The following POU4F1 variants were observed in gnomAD, a reference collection of about 807,000 sequenced individuals.
POU4F1 encodes POU class 4 homeobox 1.
POU4F1 carries 5 observed loss-of-function variants against 19.8 expected under a neutral mutation model. The ratio of observed to expected loss-of-function variants is 0.25; its 90% CI spans 0.13 to 0.53. POU4F1 has a LOEUF of 0.53. POU4F1 is among the 20% of genes least tolerant of loss of function. The probability of loss-of-function intolerance (pLI) is 0.96; values close to 1 mark genes in which losing one functional copy is unlikely to be tolerated. For missense variants in POU4F1, 408 were observed against 511.6 expected (o/e 0.80, Z 1.95); for synonymous variants, 266 against 247.7 (o/e 1.07, Z -0.69).
rs1263042215 is a variant in POU4F1, at chr13:78,601,874, C to T, written c.801G>A (p.Glu267=). The T allele has an allele frequency of 5.7e-6, 9 of 1,584,650 alleles. No individual in the cohort carries two copies. Among genetic ancestry groups the T allele is most frequent in the African/African-American group, 1.4e-5 (1 of 73,902 alleles). The change falls in exon 2 of 2, where the codon GAG becomes GAA. Residue 267 remains glutamate (E), a synonymous_variant. Transcript: ENST00000377208. ...SICDSDTDPR[E]LEAFAERFKQ... The stretch of plus-strand genomic sequence containing the variant: ...TGAAGCGCTCCGCGAACGCCTCGAG[C>T]TCGCGCGGGTCCGTGTCCGAGTCGC...
rs1354292084 is a variant in POU4F1 at position 78,602,260 on chromosome 13, C to A, written c.415G>T (p.Gly139Cys). ...AGAGGAGAAA[G>C]GGGAHDGPGG... Reference sequence around the variant, plus strand: ...GGGCCGTCGTGGGCGCCGCCGCCGCCGGCCGCCGCGCCCGCGCCGCCCGCG... The same window carrying A: ...GGGCCGTCGTGGGCGCCGCCGCCGCAGGCCGCCGCGCCCGCGCCGCCCGCG... Residue 139 changes from glycine to cysteine, a missense_variant, in exon 2 of 2, where the codon GGC becomes TGC. Around this residue, in one of 4 missense-constraint regions of POU4F1, gnomAD observed 294 missense variants for 288.2 expected, o/e 1.02. Coordinates refer to ENST00000377208, the MANE Select transcript of POU4F1 (RefSeq NM_006237.4). The A allele has an allele frequency of 9.5e-7, 1 of 1,052,660 alleles. No homozygotes were observed. Among genetic ancestry groups the A allele is most frequent in the African/African-American group, 1.7e-5 (1 of 58,340 alleles). 65.2% of individuals were successfully genotyped at this position (1,052,660 alleles called of 1,614,324 possible).
At position 78,601,981 on chromosome 13, in the gene POU4F1, C is replaced by T; in HGVS notation, c.694G>A (p.Ala232Thr). 1 of 993,446 alleles carries T rather than the reference C, an allele frequency of 1.0e-6. No homozygotes were observed. The highest frequency in any genetic ancestry group is 1.2e-6 in the Non-Finnish European group (1 of 832,270). 61.5% of individuals were successfully genotyped at this position (993,446 alleles called of 1,614,324 possible). A position where few individuals can be genotyped will look rare whatever the true frequency, so the allele number is the denominator to read the frequency against. Residue 232 changes from alanine (A) to threonine (T), a missense_variant, in exon 2 of 2, where the codon GCG (alanine) becomes ACG (threonine). This residue lies in a region of POU4F1 where 294 missense variants were observed against 288.2 expected (regional missense o/e 1.02). Coordinates refer to ENST00000377208, the MANE Select transcript of POU4F1 (RefSeq NM_006237.4). ...ACCTGCCCGGCCGCCGCCGCCGCCG[C>T]TGCCGCTGCCGCGCCGTGGTGCGCC... ...AAAHHGAAAA[A>T]AAAAAGQVAA...
chr13:78,602,283 G>T lies in POU4F1; in HGVS notation c.392C>A (p.Ala131Glu). 6 of 1,216,200 alleles carry T rather than the reference G, an allele frequency of 4.9e-6. No homozygotes were observed. Among genetic ancestry groups the T allele is most frequent in the Non-Finnish European group, 6.1e-6 (6 of 978,362 alleles). 75.3% of individuals were successfully genotyped at this position (1,216,200 alleles called of 1,614,324 possible). A position where few individuals can be genotyped will look rare whatever the true frequency, so the allele number is the denominator to read the frequency against. ...GCCGGCCGCCGCGCCCGCGCCGCCC[G>T]CGCCGGCCATGAGCGCGAGCGACGG... Reference protein sequence around the residue: ...SSPSLALMAGAGGAGAAAGGG... With the variant: ...SSPSLALMAGEGGAGAAAGGG... Residue 131 changes from alanine to glutamate, a missense_variant, in exon 2 of 2, where the codon GCG becomes GAG. This residue lies in a region of POU4F1 where 294 missense variants were observed against 288.2 expected (regional missense o/e 1.02). Transcript: ENST00000377208.
Position 78,602,236 on chromosome 13 carries a change from GGCCGTCGTGGGC to G in POU4F1, c.427_438del (p.Ala143_Gly146del), listed in dbSNP as rs1874741466. ...CCGCCCGGGCCGCCACCGCCCCCCGGGCCGTCGTGGGCGCCGCCGCCGCCGGCCGCCGCGCCC... is the reference window on the plus strand; with the variant it reads ...CCGCCCGGGCCGCCACCGCCCCCCGGGCCGCCGCCGCCGGCCGCCGCGCCC... On this transcript the variant is annotated inframe_deletion, in exon 2 of 2. Coordinates refer to ENST00000377208, the MANE Select transcript of POU4F1 (RefSeq NM_006237.4). 1.0e-6 allele frequency: 1 copy of G among 967,906 alleles called. No homozygotes were observed. Among genetic ancestry groups the G allele is most frequent in the African/African-American group, 1.8e-5 (1 of 55,618 alleles). 60.0% of individuals were successfully genotyped at this position (967,906 alleles called of 1,614,324 possible). A position where few individuals can be genotyped will look rare whatever the true frequency, so the allele number is the denominator to read the frequency against.
At position 78,601,958 on chromosome 13, in the gene POU4F1, C is replaced by T. The variant is rs1054800175; in HGVS notation, c.717G>A (p.Gln239=). 2.5e-6 allele frequency: 3 copies of T among 1,203,048 alleles called. No homozygotes were observed. The highest frequency in any genetic ancestry group is 1.6e-5 in the African/African-American group (1 of 62,750). The allele number at this position is 1,203,048 out of a possible 1,614,324, so 74.5% of individuals were successfully genotyped here. Residue 239 remains glutamine (Q), a synonymous_variant, in exon 2 of 2, where the codon CAG becomes CAA. Transcript: ENST00000377208. ...CCGCCGCCGCCGATGCCGCTGCCAC[C>T]TGCCCGGCCGCCGCCGCCGCCGCTG... ...AAAAAAAAAG[Q]VAAASAAAAV...
chr13:78,602,690 G>A, intron 1 of POU4F1, 139 bp from the exon 2 acceptor site: 4 of 1,008,708 alleles, frequency 4.0e-6, no homozygotes, highest in East Asian at 3.3e-5. Context: ...CAACGGGTTT[G>A]GGGGCAGTGG....
In POU4F1 at chr13:78,603,397, C is replaced by G; in HGVS notation, c.-71G>C. The G allele has an allele frequency of 2.0e-6, 3 of 1,511,532 alleles. No homozygotes were observed. The highest frequency in any genetic ancestry group is 1.3e-5 in the South Asian group (1 of 79,202). 93.6% of individuals were successfully genotyped at this position (1,511,532 alleles called of 1,614,324 possible). On this transcript the variant is annotated 5_prime_UTR_variant, in exon 1 of 2. Transcript: ENST00000377208. ...GGGAAAGTGCGTACGCCGGCTCACCCGGCCTCCCTTCGGAGGCTGCAGCCG... is the reference window on the plus strand; with the variant it reads ...GGGAAAGTGCGTACGCCGGCTCACCGGGCCTCCCTTCGGAGGCTGCAGCCG...
intron 1 of POU4F1, 114 bp downstream of exon 1, chr13:78,603,090 C>T (rs979025726): frequency 8.2e-6 from 7 of 855,050 alleles, no homozygotes; most frequent in Non-Finnish European, 1.1e-5. Flanking sequence ...CTCTACACCC[C>T]CTGCCCGCAG....
rs368502835 is a variant in POU4F1 at position 78,598,506 on chromosome 13, G to T, written c.*2909C>A. ...TTAACATTAACAACTGTTTAAAATCGCAGCTTTTAAAATGTACTATTCTTT... is the reference window on the plus strand; with the variant it reads ...TTAACATTAACAACTGTTTAAAATCTCAGCTTTTAAAATGTACTATTCTTT... On this transcript the variant is annotated 3_prime_UTR_variant, in exon 2 of 2. Transcript: ENST00000377208. The T allele has an allele frequency of 6.6e-6, 1 of 151,266 alleles. No homozygotes were observed. Among genetic ancestry groups the T allele is most frequent in the African/African-American group, 2.4e-5 (1 of 41,190 alleles). 9.4% of individuals were successfully genotyped at this position (151,266 alleles called of 1,614,324 possible). A position where few individuals can be genotyped will look rare whatever the true frequency, so the allele number is the denominator to read the frequency against.
In POU4F1 at chr13:78,602,355, T is replaced by G; in HGVS notation, c.320A>C (p.His107Pro). 1 of 1,478,392 alleles carries G rather than the reference T, an allele frequency of 6.8e-7. No homozygotes were observed. Among genetic ancestry groups the G allele is most frequent in the Non-Finnish European group, 9.0e-7 (1 of 1,113,918 alleles). The allele number at this position is 1,478,392 out of a possible 1,614,324, so 91.6% of individuals were successfully genotyped here. Residue 107 changes from histidine to proline, a missense_variant, in exon 2 of 2, where the codon CAC (histidine) becomes CCC (proline). His to Pro is a moderately conservative substitution (Grantham distance 77, BLOSUM62 -2). Transcript: ENST00000377208. ...PLAHHHHHHH[H>P]HQALEPGDLL... The stretch of plus-strand genomic sequence containing the variant: ...ATCGCCGGGTTCGAGCGCCTGGTGG[T>G]GGTGGTGGTGGTGGTGGTGGTGCGC...
At chr13:78,603,044 G>A (rs1404729219) in intron 1 of POU4F1, among the ~76,000 whole-genome samples, 160 bp downstream of exon 1, 1 of 152,160 alleles carries the variant, frequency 6.6e-6, no homozygotes, top group African/African-American at 2.4e-5. Flanking sequence ...ACGACATTAA[G>A]GGCCGCCGGA....
chr13:78,599,513 C>T lies in POU4F1; in HGVS notation c.*1902G>A, dbSNP rs180825682. 1.7e-3 allele frequency: 264 copies of T among 152,726 alleles called. 1 individual carries two copies. The highest frequency in any genetic ancestry group is 3.5e-4 in the Non-Finnish European group (24 of 68,030). The allele number at this position is 152,726 out of a possible 1,614,324, so 9.5% of individuals were successfully genotyped here. A position where few individuals can be genotyped will look rare whatever the true frequency, so the allele number is the denominator to read the frequency against. ...CTGTGAAATCGCACTAGCCACAAAA[C>T]GGTCTACCAGAAAGCTAGCCCAGTT... On this transcript the variant is annotated 3_prime_UTR_variant, in exon 2 of 2. Coordinates refer to ENST00000377208, the MANE Select transcript of POU4F1 (RefSeq NM_006237.4).
Position 78,601,707 on chromosome 13 carries a change from A to G in POU4F1, c.968T>C (p.Ile323Thr). The G allele has an allele frequency of 6.2e-7, 1 of 1,613,832 alleles. No individual in the cohort carries two copies. Among genetic ancestry groups the G allele is most frequent in the South Asian group, 1.1e-5 (1 of 91,068 alleles). ...CGCCTGCAGGATGGGCTTGAGCGCGATCATGTTGTTGTGCGAGAGCGTGAG... is the reference window on the plus strand; with the variant it reads ...CGCCTGCAGGATGGGCTTGAGCGCGGTCATGTTGTTGTGCGAGAGCGTGAG... ...ESLTLSHNNM[I>T]ALKPILQAWL... is the part of the protein sequence containing the mutation. Residue 323 changes from isoleucine to threonine, a missense_variant, in exon 2 of 2, where the codon ATC (isoleucine) becomes ACC (threonine). Coordinates refer to ENST00000377208, the MANE Select transcript of POU4F1 (RefSeq NM_006237.4).
rs1874605340 is a variant in POU4F1, at chr13:78,599,269, G to A, written c.*2146C>T. The A allele has an allele frequency of 6.6e-6, 1 of 152,526 alleles. No homozygotes were observed. Among genetic ancestry groups the A allele is most frequent in the Non-Finnish European group, 1.5e-5 (1 of 68,042 alleles). 9.4% of individuals were successfully genotyped at this position (152,526 alleles called of 1,614,324 possible). On this transcript the variant is annotated 3_prime_UTR_variant, in exon 2 of 2. Transcript: ENST00000377208. ...AATTGGTTCTGATAGAAGTAAGGGAGGAGAAAGGTAAAAGAGAAAAAACAT... is the reference window on the plus strand; with the variant it reads ...AATTGGTTCTGATAGAAGTAAGGGAAGAGAAAGGTAAAAGAGAAAAAACAT...
Position 78,601,742 on chromosome 13 carries a change from C to A in POU4F1, c.933G>T (p.Arg311Ser), listed in dbSNP as rs1269039365. 1 of 1,613,746 alleles carries A rather than the reference C, an allele frequency of 6.2e-7. No individual in the cohort carries two copies. Among genetic ancestry groups the A allele is most frequent in the African/African-American group, 1.3e-5 (1 of 74,942 alleles). Residue 311 changes from arginine to serine, a missense_variant, in exon 2 of 2, where the codon AGG becomes AGT. Physicochemically the swap from Arg to Ser is moderately radical, Grantham distance 110 (BLOSUM62 -1). Transcript: ENST00000377208. ...TGTGCGAGAGCGTGAGCGACTCGAA[C>A]CTGCAGATGGTGCTCTGGCTGAGTG... ...VGSLSQSTICRFESLTLSHNN... is the reference protein window; with the variant it reads ...VGSLSQSTICSFESLTLSHNN...
In POU4F1 at chr13:78,602,297, C is replaced by A. The variant is rs570767813; in HGVS notation, c.378G>T (p.Ala126=). ...LLDHISSPSL[A]LMAGAGGAGA... The stretch of plus-strand genomic sequence containing the variant: ...CCGCGCCGCCCGCGCCGGCCATGAG[C>A]GCGAGCGACGGCGAGGAGATGTGGT... The change falls in exon 2 of 2, where the codon GCG becomes GCT. Residue 126 remains alanine (A), a synonymous_variant. Transcript: ENST00000377208. 8.0e-6 allele frequency: 10 copies of A among 1,243,528 alleles called. No homozygotes were observed. In the South Asian group the frequency reaches 3.3e-4, roughly 41 times the overall value. 77.0% of individuals were successfully genotyped at this position (1,243,528 alleles called of 1,614,324 possible).
In POU4F1 at chr13:78,601,030, G is replaced by T. The variant is rs546406313; in HGVS notation, c.*385C>A. ...GTTCCTTGGTCCCCAGGATATTTAG[G>T]TAAGTGTCTCTGGTCAGAAACAGTC... On this transcript the variant is annotated 3_prime_UTR_variant, in exon 2 of 2. Coordinates refer to ENST00000377208, the MANE Select transcript of POU4F1 (RefSeq NM_006237.4). 29 of 222,076 alleles carry T rather than the reference G, an allele frequency of 1.3e-4. No individual in the cohort carries two copies. The highest frequency in any genetic ancestry group is 6.4e-4 in the African/African-American group (28 of 43,550). 13.8% of individuals were successfully genotyped at this position (222,076 alleles called of 1,614,324 possible). A position where few individuals can be genotyped will look rare whatever the true frequency, so the allele number is the denominator to read the frequency against.
chr13:78,603,079 G>T (rs1417237579), intron 1 of POU4F1, 125 bp downstream of exon 1: 1 of 757,240 alleles, frequency 1.3e-6, no homozygotes, highest in Non-Finnish European at 1.9e-6. Context: ...CTGCGGGACT[G>T]CTCTACACCC....
chr13:78,601,931 G>C lies in POU4F1; in HGVS notation c.744C>G (p.Ala248=), dbSNP rs1042322522. 1 of 1,277,886 alleles carries C rather than the reference G, an allele frequency of 7.8e-7. No individual in the cohort carries two copies. The allele number at this position is 1,277,886 out of a possible 1,614,324, so 79.2% of individuals were successfully genotyped here. A position where few individuals can be genotyped will look rare whatever the true frequency, so the allele number is the denominator to read the frequency against. ...GQVAAASAAA[A]VVGAAGLASI... ...ACGCCAGGCCCGCTGCGCCCACCAC[G>C]GCCGCCGCCGCCGATGCCGCTGCCA... The change falls in exon 2 of 2, where the codon GCC becomes GCG. Residue 248 remains alanine, a synonymous_variant. Coordinates refer to ENST00000377208, the MANE Select transcript of POU4F1 (RefSeq NM_006237.4).
Sources: allele counts gnomAD v4.1 joint callset (sites outside exome capture counted in the v4.1 genomes callset), GRCh38; gene constraint gnomAD v4.1.1; regional missense constraint gnomAD v4.1.1; transcripts MANE v1.5; gene names NCBI Gene and HGNC (gene_info 2026-07-23, HGNC 2026-07-21).